Variants in EPHB1 observed in about 807,000 individuals in gnomAD.
The protein encoded by EPHB1 is EPH receptor B1, also known as ephrin type-B receptor 1.
A neutral mutation model predicts 94.4 loss-of-function variants in EPHB1; 30 were observed. That is an observed-to-expected ratio of 0.32 (90% CI 0.24 to 0.43). The LOEUF is 0.43. EPHB1 is among the 20% of genes least tolerant of loss of function. The probability of loss-of-function intolerance (pLI) is 1.00; values close to 1 mark genes in which losing one functional copy is unlikely to be tolerated. For synonymous variants in EPHB1, 522 were observed against 489.1 expected, an observed-to-expected ratio of 1.07 and a Z score of -0.89; for missense variants, 1,055 against 1,308.3, an observed-to-expected ratio of 0.81 and a Z score of 2.99.
At chr3:135,094,289 G>A (rs1938668936) in intron 3 of EPHB1, among the ~76,000 whole-genome samples, 2 of 152,236 alleles carry the variant, frequency 1.3e-5, no homozygotes, top group South Asian at 4.1e-4. Context: ...GGAGAGTGAA[G>A]GACCAGGCCC....
Position 135,260,288 on chromosome 3 carries a change from A to T in EPHB1, c.*1168A>T. 2 of 233,032 alleles carry T rather than the reference A, an allele frequency of 8.6e-6. No homozygotes were observed. The highest frequency in any genetic ancestry group is 1.7e-5 in the Non-Finnish European group (2 of 117,666). The allele number at this position is 233,032 out of a possible 1,614,324, so 14.4% of individuals were successfully genotyped here. A position where few individuals can be genotyped will look rare whatever the true frequency, so the allele number is the denominator to read the frequency against. On this transcript the variant is annotated 3_prime_UTR_variant, in exon 16 of 16. Coordinates refer to ENST00000398015, the MANE Select transcript of EPHB1 (RefSeq NM_004441.5). ...GGCTTAAGCCGTGTGGCATCCGAGGAATGTTTCAAATGTGTCTGTGTTTCT... is the reference window on the plus strand; with the variant it reads ...GGCTTAAGCCGTGTGGCATCCGAGGTATGTTTCAAATGTGTCTGTGTTTCT...
At chr3:134,947,554 A>C (rs138709664) in intron 2 of EPHB1, among the ~76,000 whole-genome samples, 1 of 151,998 alleles carries the variant, frequency 6.6e-6, no homozygotes, top group Non-Finnish European at 1.5e-5. Context: ...ATTTCCTCTC[A>C]TTTGCTTTGA....
intron 9 of EPHB1, among the ~76,000 whole-genome samples, chr3:135,167,528 C>T (rs947959079): frequency 2.0e-5 from 3 of 152,214 alleles, no homozygotes; most frequent in African/African-American, 7.2e-5. Context: ...TTTTCTCACT[C>T]ATTATCCTCT....
At chr3:135,010,773 A>G (rs1369703445) in intron 3 of EPHB1, among the ~76,000 whole-genome samples, 1 of 151,978 alleles carries the variant, frequency 6.6e-6, no homozygotes, top group Admixed American at 6.6e-5. Flanking sequence ...CATCTTGGCC[A>G]GGCTGGTCTC....
rs1366755198 is a variant in EPHB1 at position 135,025,600 on chromosome 3, T to A, written c.805+73548T>A. On this transcript the variant is annotated intron_variant, in intron 3 of 15. Coordinates refer to ENST00000398015, the MANE Select transcript of EPHB1 (RefSeq NM_004441.5). ...TGTATATGTGCCACAATTTGCTTAATCAAGTCTATCATTGTTGGACATTTG... is the reference window on the plus strand; with the variant it reads ...TGTATATGTGCCACAATTTGCTTAAACAAGTCTATCATTGTTGGACATTTG... Among the ~76,000 whole-genome samples, 3 of 54,840 alleles carry A rather than the reference T, an allele frequency of 5.5e-5. 1 individual carries two copies. Among genetic ancestry groups the A allele is most frequent in the African/African-American group, 1.4e-4 (3 of 21,912 alleles). 36.0% of individuals were successfully genotyped at this position (54,840 alleles called of 152,430 possible). A position where few individuals can be genotyped will look rare whatever the true frequency, so the allele number is the denominator to read the frequency against.
At chr3:135,051,939 A>C (rs1173967682) in intron 3 of EPHB1, among the ~76,000 whole-genome samples, 1 of 152,226 alleles carries the variant, frequency 6.6e-6, no homozygotes, top group African/African-American at 2.4e-5. Flanking sequence ...GAGGAAGGCG[A>C]GATATGACCA....
intron 2 of EPHB1, among the ~76,000 whole-genome samples, chr3:134,930,784 C>T (rs973476286): frequency 1.6e-4 from 25 of 152,230 alleles, no homozygotes; most frequent in East Asian, 1.3e-3. Flanking sequence ...CCCACTGGGA[C>T]GCTCCTGGAT....
chr3:135,072,984 T>C (rs1937776700), intron 3 of EPHB1, among the ~76,000 whole-genome samples: 1 of 152,206 alleles, frequency 6.6e-6, no homozygotes, highest in Non-Finnish European at 1.5e-5. Flanking sequence ...GATTTAAACA[T>C]ACTTCATGCG....
chr3:134,976,275 C>T (rs1235067902), intron 3 of EPHB1, among the ~76,000 whole-genome samples: 3 of 152,130 alleles, frequency 2.0e-5, no homozygotes, highest in Non-Finnish European at 2.9e-5. Context: ...AGAGAGGAGG[C>T]GCCAAGGACA....
chr3:135,148,572 T>C (rs1239203767), intron 5 of EPHB1, among the ~76,000 whole-genome samples: 1 of 152,216 alleles, frequency 6.6e-6, no homozygotes, highest in Non-Finnish European at 1.5e-5. Flanking sequence ...GTGACTAGTT[T>C]GGGCCAACAT....
intron 1 of EPHB1, among the ~76,000 whole-genome samples, chr3:134,877,671 C>T (rs72984077): frequency 0.016 from 2,365 of 152,284 alleles, 51 homozygotes; most frequent in African/African-American, 0.054. Context: ...AAGTTGTTCC[C>T]TATAACACCT....
chr3:134,818,526 C>G (rs141756126), intron 1 of EPHB1, among the ~76,000 whole-genome samples: 373 of 152,292 alleles, frequency 2.4e-3, no homozygotes, highest in Non-Finnish European at 4.4e-3. Context: ...CCTTGCCCCC[C>G]TTCAACTCTT....
Position 135,013,668 on chromosome 3 carries a change from C to G in EPHB1, c.805+61616C>G, listed in dbSNP as rs75823158. On this transcript the variant is annotated intron_variant, in intron 3 of 15. Coordinates refer to ENST00000398015, the MANE Select transcript of EPHB1 (RefSeq NM_004441.5). ...CCGCCCAGCTTGGAACAACTTAGCT[C>G]TATAAGGGGGCTAATCTTATTTCCA... Among the ~76,000 whole-genome samples, 10 of 152,314 alleles carry G rather than the reference C, an allele frequency of 6.6e-5. No homozygotes were observed. In the East Asian group the frequency reaches 1.2e-3, roughly 18 times the overall value.
chr3:135,080,521 C>G (rs1324208646), intron 3 of EPHB1, among the ~76,000 whole-genome samples: 2 of 152,026 alleles, frequency 1.3e-5, no homozygotes, highest in East Asian at 3.9e-4. Flanking sequence ...AAGGTAGCAT[C>G]GTCAGAGGTC....
At chr3:135,128,078 A>G (rs1273765687) in intron 4 of EPHB1, among the ~76,000 whole-genome samples, 1 of 152,080 alleles carries the variant, frequency 6.6e-6, no homozygotes, top group African/African-American at 2.4e-5. Flanking sequence ...GCCTGTCTGT[A>G]TGTAATTAAG....
chr3:135,020,331 A>C (rs1353103267), intron 3 of EPHB1, among the ~76,000 whole-genome samples: 1 of 152,166 alleles, frequency 6.6e-6, no homozygotes. Flanking sequence ...TTTTTAGTGT[A>C]TTCATAGAGT....
chr3:135,259,080 TGAGGGTCCAG>T lies in EPHB1; in HGVS notation c.2916_2925del (p.Met972IlefsTer2). On this transcript the variant is annotated frameshift_variant, in exon 16 of 16. Transcript: ENST00000398015. LOFTEE classifies it high-confidence loss of function. ...AAGATCCTGAACAGCATTCATTCTA[TGAGGGTCCAG>T]ATAAGTCAGTCACCAACGGCAATGG... The T allele has an allele frequency of 1.2e-6, 2 of 1,610,720 alleles. No homozygotes were observed. Among genetic ancestry groups the T allele is most frequent in the Non-Finnish European group, 1.7e-6 (2 of 1,178,674 alleles).
At position 135,042,833 on chromosome 3, in the gene EPHB1, ATTTATTT is replaced by A. The variant is rs145102224; in HGVS notation, c.806-63597_806-63591del. ...CTCTTCCTAAAACATGTATGTATTT[ATTTATTT>A]TTTATTTTTTATTTTTTTTGAGACA... On this transcript the variant is annotated intron_variant, in intron 3 of 15. Transcript: ENST00000398015. 7.2e-3 allele frequency among the ~76,000 whole-genome samples: 1,095 copies of A among 152,172 alleles called. 13 individuals carry two copies. Among genetic ancestry groups the A allele is most frequent in the Non-Finnish European group, 8.4e-3 (573 of 67,992 alleles).
chr3:135,089,850 G>A lies in EPHB1; in HGVS notation c.806-16598G>A, dbSNP rs115346220. ...GCCTTCCCTGAGTTCCTCACCTGCT[G>A]CTCCTTCTCTAGGTTCTTCCTGACG... is the stretch of plus-strand genomic sequence containing the variant. On this transcript the variant is annotated intron_variant, in intron 3 of 15. Transcript: ENST00000398015. 8.0e-3 allele frequency among the ~76,000 whole-genome samples: 1,221 copies of A among 152,308 alleles called. 9 individuals are homozygous for A. The highest frequency in any genetic ancestry group is 0.014 in the Non-Finnish European group (948 of 68,024).
Sources: allele counts gnomAD v4.1 joint callset (sites outside exome capture counted in the v4.1 genomes callset), GRCh38; gene constraint gnomAD v4.1.1; transcripts MANE v1.5; gene names NCBI Gene and HGNC (gene_info 2026-07-23, HGNC 2026-07-21).